SPAG9: variants seen among roughly 807,000 people sequenced by gnomAD.
The protein encoded by SPAG9 is sperm associated antigen 9.
SPAG9 carries 35 observed loss-of-function variants against 166.5 expected under a neutral mutation model. That is an observed-to-expected ratio of 0.21 (90% CI 0.16 to 0.28). The LOEUF is 0.28. Among genes scored for constraint, SPAG9 ranks in the 10% least tolerant of loss-of-function variants. SPAG9 has a pLI of 1.00. For missense variants in SPAG9, 1,235 were observed against 1,603.3 expected (o/e 0.77, Z 3.92); for synonymous variants, 534 against 565.5 (o/e 0.94, Z 0.79).
intron 2 of SPAG9, among the ~76,000 whole-genome samples, chr17:51,073,191 G>A (rs182348862): frequency 1.7e-3 from 259 of 152,232 alleles, no homozygotes; most frequent in Non-Finnish European, 3.1e-3. Flanking sequence ...TTCCGGGCGT[G>A]GTGGTGGGCG....
At chr17:51,060,526 AAGGCAGAAGAAGGTAGGTAATT>A (rs2144541120) in intron 2 of SPAG9, among the ~76,000 whole-genome samples, 1 of 150,224 alleles carries the variant, frequency 6.7e-6, no homozygotes, top group Non-Finnish European at 1.5e-5. Context: ...AAAAAAAAAA[AAGGCAGAAGAAGGTAGGTAATT>A]AAGGTTGAAT....
At chr17:51,100,068 C>T (rs923079203) in intron 1 of SPAG9, among the ~76,000 whole-genome samples, 2 of 152,024 alleles carry the variant, frequency 1.3e-5, no homozygotes, top group Non-Finnish European at 2.9e-5. Flanking sequence ...CCACTGCACT[C>T]CAGCCTGAGC....
chr17:51,106,082 C>G (rs1363006382), intron 1 of SPAG9, among the ~76,000 whole-genome samples: 1 of 145,886 alleles, frequency 6.9e-6, no homozygotes, highest in African/African-American at 2.5e-5. Context: ...TCCTGGGCAA[C>G]ACAGCAAGAC....
At chr17:51,085,211 G>A (rs2048275306) in intron 1 of SPAG9, 1 of 151,952 alleles carries the variant, frequency 6.6e-6, no homozygotes, top group Non-Finnish European at 1.5e-5. Flanking sequence ...AAAACATATA[G>A]CATTATGAAG....
chr17:50,995,014 C>A, intron 18 of SPAG9, 43 bp downstream of exon 18: 1 of 1,507,568 alleles, frequency 6.6e-7, no homozygotes, highest in Non-Finnish European at 9.0e-7. Context: ...GAGTTAAACT[C>A]ATAGTCTCAT....
chr17:51,118,583 A>T (rs566129250), intron 1 of SPAG9, among the ~76,000 whole-genome samples: 1 of 152,356 alleles, frequency 6.6e-6, no homozygotes, highest in African/African-American at 2.4e-5. Context: ...AGTCACTTCC[A>T]TGTATATCCA....
At chr17:51,117,493 C>T (rs1025090637) in intron 1 of SPAG9, among the ~76,000 whole-genome samples, 2 of 151,966 alleles carry the variant, frequency 1.3e-5, no homozygotes, top group East Asian at 1.9e-4. Context: ...GGGCAGATCA[C>T]GAGGTCAGGA....
At chr17:51,028,721 G>A (rs997427749) in intron 6 of SPAG9, among the ~76,000 whole-genome samples, 1 of 152,138 alleles carries the variant, frequency 6.6e-6, no homozygotes, top group Non-Finnish European at 1.5e-5. Flanking sequence ...GCAAACAAGG[G>A]AAAATTCTTA....
intron 5 of SPAG9, among the ~76,000 whole-genome samples, chr17:51,035,153 T>A (rs978837077): frequency 3.9e-5 from 6 of 151,990 alleles, no homozygotes; most frequent in African/African-American, 1.2e-4. Context: ...GTAATAAAAA[T>A]TTTTTTTAAA....
chr17:51,109,193 T>C (rs2049035132), intron 1 of SPAG9, among the ~76,000 whole-genome samples: 1 of 152,062 alleles, frequency 6.6e-6, no homozygotes, highest in Non-Finnish European at 1.5e-5. Flanking sequence ...AATTAGCCAA[T>C]TTTAATTCCG....
At chr17:51,091,161 T>C (rs2048453549) in intron 1 of SPAG9, among the ~76,000 whole-genome samples, 1 of 150,472 alleles carries the variant, frequency 6.6e-6, no homozygotes, top group Non-Finnish European at 1.5e-5. Context: ...TAGTCCCAGC[T>C]ACTCAAAGGC....
intron 1 of SPAG9, among the ~76,000 whole-genome samples, chr17:51,108,229 A>T (rs1204777514): frequency 6.6e-6 from 1 of 151,986 alleles, no homozygotes; most frequent in Non-Finnish European, 1.5e-5. Flanking sequence ...TCTACTAAAA[A>T]TACAAAAATT....
intron 1 of SPAG9, among the ~76,000 whole-genome samples, chr17:51,119,928 T>A (rs926508106): frequency 6.6e-6 from 1 of 152,190 alleles, no homozygotes; most frequent in Non-Finnish European, 1.5e-5. Context: ...GGAAAGGTAC[T>A]GGAACTAGCG....
In SPAG9 at chr17:50,987,286, G is replaced by A. The variant is rs148597792; in HGVS notation, c.2814-49C>T. ...AGAAATCTGAGTATACTTAACTATC[G>A]TTATAGTTTTCAGGGACTGAATCCT... On this transcript the variant is annotated intron_variant, in intron 21 of 29. Transcript: ENST00000262013. 569 of 1,530,536 alleles carry A rather than the reference G, an allele frequency of 3.7e-4. 2 individuals are homozygous for A. In the East Asian group the frequency reaches 0.011, roughly 30 times the overall value. 94.8% of individuals were successfully genotyped at this position (1,530,536 alleles called of 1,614,324 possible).
Position 50,987,230 on chromosome 17 carries a change from A to G in SPAG9, c.2821T>C (p.Ser941Pro). The G allele has an allele frequency of 6.2e-7, 1 of 1,606,212 alleles. No individual in the cohort carries two copies. Among genetic ancestry groups the G allele is most frequent in the Non-Finnish European group, 8.5e-7 (1 of 1,177,504 alleles). Reference protein sequence around the residue: ...LSPVYQSSNDSDAYKDQISVL... With the variant: ...LSPVYQSSNDPDAYKDQISVL... ...GATATTTGATCTTTATATGCATCTG[A>G]GTCATTGCTGGAAAGGGAGGGCAAA... The change falls in exon 22 of 30, where the codon TCA (serine) becomes CCA (proline). Residue 941 changes from serine (S) to proline (P), a missense_variant. Coordinates refer to ENST00000262013, the MANE Select transcript of SPAG9 (RefSeq NM_001130528.3).
intron 12 of SPAG9, 25 bp from the exon 13 acceptor site, chr17:51,001,870 T>C: frequency 6.2e-7 from 1 of 1,605,516 alleles, no homozygotes; most frequent in Non-Finnish European, 8.5e-7. Context: ...AAATGACATA[T>C]CATTCTGGAA....
chr17:50,974,945 T>G lies in SPAG9; in HGVS notation c.3526A>C (p.Asn1176His). 6.2e-7 allele frequency: 1 copy of G among 1,609,240 alleles called. No individual in the cohort carries two copies. Among genetic ancestry groups the G allele is most frequent in the Non-Finnish European group, 8.5e-7 (1 of 1,178,860 alleles). The change falls in exon 28 of 30, where the codon AAT (asparagine) becomes CAT (histidine). Residue 1176 changes from asparagine (N) to histidine (H), a missense_variant and splice_region_variant. Physicochemically the swap from Asn to His is moderately conservative, Grantham distance 68. This residue lies in a region of SPAG9 where 243 missense variants were observed against 358.6 expected (regional missense o/e 0.68). Coordinates refer to ENST00000262013, the MANE Select transcript of SPAG9 (RefSeq NM_001130528.3). ...VIISIPLTETNKTSGVPGNRP... is the reference protein window; with the variant it reads ...VIISIPLTETHKTSGVPGNRP... ...TTTCCTGGTACACCTGAGGTTTTAT[T>G]TGCTGCAACAGAAAAACCAAATACC...
At chr17:50,972,755 C>G (rs528143527) in intron 28 of SPAG9, among the ~76,000 whole-genome samples, 1 of 152,312 alleles carries the variant, frequency 6.6e-6, no homozygotes, top group African/African-American at 2.4e-5. Context: ...TCATGCATTA[C>G]TCAATTATAC....
At chr17:50,978,534 G>A (rs558421503) in intron 26 of SPAG9, among the ~76,000 whole-genome samples, 31 of 152,142 alleles carry the variant, frequency 2.0e-4, no homozygotes, top group East Asian at 3.8e-4. Flanking sequence ...TGATCTTCAC[G>A]GGGCTTAGGG....
Sources: allele counts gnomAD v4.1 joint callset (sites outside exome capture counted in the v4.1 genomes callset), GRCh38; gene constraint gnomAD v4.1.1; regional missense constraint gnomAD v4.1.1; transcripts MANE v1.5; gene names NCBI Gene and HGNC (gene_info 2026-07-23, HGNC 2026-07-21).